Variants in SLC22A25 observed in about 807,000 individuals in gnomAD.
SLC22A25 encodes the protein MGI:2442751, MGI:2385316, MGI:3042283, MGI:3645714, MGI:3605624, MGI:2442750.
In SLC22A25, 44 loss-of-function variants were observed where a neutral mutation model predicts 45.9. The ratio of observed to expected loss-of-function variants is 0.96; its 90% CI spans 0.75 to 1.23. SLC22A25 has a LOEUF of 1.23. Ranked by LOEUF, SLC22A25 falls within the 50% of genes most tolerant of loss-of-function variation. The probability of loss-of-function intolerance (pLI) is 0.00; values close to 1 mark genes in which losing one functional copy is unlikely to be tolerated. For missense variants in SLC22A25, 800 were observed against 666.4 expected, an observed-to-expected ratio of 1.20 and a Z score of -2.21; for synonymous variants, 283 against 238.6, an observed-to-expected ratio of 1.19 and a Z score of -1.72.
At chr11:63,205,766 A>G (rs1565101421) in intron 7 of SLC22A25, among the ~76,000 whole-genome samples, 1 of 152,200 alleles carries the variant, frequency 6.6e-6, no homozygotes, top group Non-Finnish European at 1.5e-5. Context: ...ACTATTCCAA[A>G]CAACAGAATA....
chr11:63,204,241 C>T (rs999877166), intron 7 of SLC22A25, among the ~76,000 whole-genome samples: 6 of 152,172 alleles, frequency 3.9e-5, no homozygotes, highest in African/African-American at 9.7e-5. Context: ...TATGAAGAAA[C>T]GGCATCAACT....
intron 9 of SLC22A25, among the ~76,000 whole-genome samples, chr11:63,170,859 C>G (rs186859760): frequency 6.6e-6 from 1 of 151,950 alleles, no homozygotes; most frequent in East Asian, 1.9e-4. Context: ...GAGACACAAC[C>G]AGAAAAGAAA....
intron 7 of SLC22A25, among the ~76,000 whole-genome samples, chr11:63,211,392 T>G (rs1590874333): frequency 6.6e-6 from 1 of 152,252 alleles, no homozygotes; most frequent in East Asian, 1.9e-4. Flanking sequence ...ATCCATGCCA[T>G]AGTACCCAAC....
intron 7 of SLC22A25, among the ~76,000 whole-genome samples, chr11:63,200,175 C>T (rs542839900): frequency 4.6e-5 from 7 of 151,644 alleles, no homozygotes; most frequent in Middle Eastern, 3.2e-3. Flanking sequence ...ATCATCCTGA[C>T]GCCAAAACCT....
At chr11:63,219,743 A>G (rs927902881) in intron 5 of SLC22A25, among the ~76,000 whole-genome samples, 11 of 152,058 alleles carry the variant, frequency 7.2e-5, no homozygotes, top group African/African-American at 2.7e-4. Flanking sequence ...CTCCACTGTC[A>G]TCTCCTGCCT....
At chr11:63,185,645 A>G (rs1351368100) in intron 7 of SLC22A25, among the ~76,000 whole-genome samples, 1 of 142,248 alleles carries the variant, frequency 7.0e-6, no homozygotes, top group Admixed American at 7.0e-5. Flanking sequence ...TGCACCCACT[A>G]ACTCGTCATC....
At chr11:63,231,992 ATC>A (rs2090077264) in intron 3 of SLC22A25, among the ~76,000 whole-genome samples, 1 of 152,160 alleles carries the variant, frequency 6.6e-6, no homozygotes, top group South Asian at 2.1e-4. Context: ...GTTGGTCTAT[ATC>A]TCTGTTTTGG....
At chr11:63,166,732 T>A (rs1353849079) in intron 9 of SLC22A25, 1 of 989,174 alleles carries the variant, frequency 1.0e-6, no homozygotes, top group African/African-American at 1.7e-5. Context: ...GGGTACAGAT[T>A]GTATATTCAT....
intron 9 of SLC22A25, among the ~76,000 whole-genome samples, chr11:63,171,325 G>A (rs185202712): frequency 6.6e-6 from 1 of 152,292 alleles, no homozygotes; most frequent in African/African-American, 2.4e-5. Flanking sequence ...AACCAGGCAA[G>A]AGAAGGAAAT....
chr11:63,199,512 TGCTTGAATA>T (rs991552955), intron 7 of SLC22A25, among the ~76,000 whole-genome samples: 10 of 152,152 alleles, frequency 6.6e-5, no homozygotes, highest in African/African-American at 2.4e-4. Context: ...ACTAAGACCC[TGCTTGAATA>T]GCTGATGCCT....
intron 7 of SLC22A25, among the ~76,000 whole-genome samples, chr11:63,216,516 A>G (rs2089714698): frequency 6.6e-6 from 1 of 152,196 alleles, no homozygotes; most frequent in Non-Finnish European, 1.5e-5. Flanking sequence ...ATTGGTACAT[A>G]TATACACCAT....
At chr11:63,169,312 A>G (rs1329607873) in intron 9 of SLC22A25, among the ~76,000 whole-genome samples, 1 of 152,238 alleles carries the variant, frequency 6.6e-6, no homozygotes, top group Non-Finnish European at 1.5e-5. Context: ...CAAATTAAAC[A>G]TAACAATGTT....
At chr11:63,233,501 T>C (rs2134850899) in intron 3 of SLC22A25, among the ~76,000 whole-genome samples, 1 of 152,330 alleles carries the variant, frequency 6.6e-6, no homozygotes, top group South Asian at 2.1e-4. Context: ...TCATTTTTTA[T>C]TGCATCTACT....
At chr11:63,172,352 A>G (rs1215191991) in intron 9 of SLC22A25, among the ~76,000 whole-genome samples, 1 of 152,326 alleles carries the variant, frequency 6.6e-6, no homozygotes, top group East Asian at 1.9e-4. Flanking sequence ...ATCAGAGTGA[A>G]CAGGCAACCT....
intron 9 of SLC22A25, chr11:63,168,103 CAGAG>C (rs533905065): frequency 6.1e-6 from 1 of 165,026 alleles, no homozygotes; most frequent in Non-Finnish European, 1.3e-5. Context: ...AACTTACAAA[CAGAG>C]AGAAGTAACA....
intron 7 of SLC22A25, among the ~76,000 whole-genome samples, chr11:63,207,769 C>T (rs1159893402): frequency 6.6e-6 from 1 of 152,180 alleles, no homozygotes; most frequent in African/African-American, 2.4e-5. Flanking sequence ...AGATGTGTAG[C>T]TGCAAGGTCA....
rs2090286872 is a variant in SLC22A25 at position 63,243,550 on chromosome 11, G to T, written c.-1112C>A. On this transcript the variant is annotated 5_prime_UTR_variant, in exon 1 of 12. Transcript: ENST00000306494. ...AGTCCAGCCCACTGACTGCCAAAAA[G>T]CTGTGCATTTATACCGACAACTCCA... The T allele has an allele frequency of 1.3e-6, 1 of 763,372 alleles. No homozygotes were observed. Among genetic ancestry groups the T allele is most frequent in the Non-Finnish European group, 2.4e-6 (1 of 408,682 alleles). 47.3% of individuals were successfully genotyped at this position (763,372 alleles called of 1,614,324 possible). A position where few individuals can be genotyped will look rare whatever the true frequency, so the allele number is the denominator to read the frequency against.
chr11:63,222,649 T>C lies in SLC22A25; in HGVS notation c.507-4914A>G, dbSNP rs1411420370. On this transcript the variant is annotated intron_variant, in intron 5 of 11. Transcript: ENST00000306494. Reference sequence around the variant, plus strand: ...TCTGATTGCTCTAGTTAGGACTTCCTGTACTATTTTAAATGGCAAGGGTGA... The same window carrying C: ...TCTGATTGCTCTAGTTAGGACTTCCCGTACTATTTTAAATGGCAAGGGTGA... Among the ~76,000 whole-genome samples, 14 of 152,136 alleles carry C rather than the reference T, an allele frequency of 9.2e-5. No individual in the cohort carries two copies. In the South Asian group the frequency reaches 2.9e-3, roughly 32 times the overall value.
chr11:63,190,800 G>T (rs2088779474), intron 7 of SLC22A25, among the ~76,000 whole-genome samples: 1 of 152,162 alleles, frequency 6.6e-6, no homozygotes, highest in African/African-American at 2.4e-5. Context: ...GTTGGAGTTT[G>T]CTGGAGGTCT....
Sources: gnomAD v4.1 joint callset for allele counts (sites outside exome capture counted in the v4.1 genomes callset) on GRCh38, gnomAD v4.1.1 for gene constraint, MANE v1.5 for transcripts, NCBI Gene and HGNC (gene_info 2026-07-23, HGNC 2026-07-21) for gene names.